LYPLAL1: variants seen among roughly 807,000 people sequenced by gnomAD.
The protein encoded by LYPLAL1 is lysophospholipase-like protein 1.
LYPLAL1 carries 23 observed loss-of-function variants against 19.7 expected under a neutral mutation model. That is an observed-to-expected ratio of 1.17 (90% CI 0.84 to 1.65). The LOEUF is 1.65. LYPLAL1 is among the 40% of genes most tolerant of loss of function. The pLI, the probability that LYPLAL1 is intolerant of heterozygous loss-of-function variation, is 0.00. For missense variants in LYPLAL1, 355 were observed against 279.4 expected, an observed-to-expected ratio of 1.27 and a Z score of -1.93; for synonymous variants, 119 against 96.3, an observed-to-expected ratio of 1.24 and a Z score of -1.38.
the LYPLAL1 span, among the ~76,000 whole-genome samples, chr1:219,384,245 A>G: frequency 2.0e-5 from 3 of 152,352 alleles, no homozygotes; most frequent in African/African-American, 7.2e-5. Flanking sequence ...GACACCCATT[A>G]TCCTAATGGC....
the LYPLAL1 span, among the ~76,000 whole-genome samples, chr1:219,309,574 G>A: frequency 6.6e-6 from 1 of 152,092 alleles, no homozygotes; most frequent in Non-Finnish European, 1.5e-5. Flanking sequence ...CATGGAGGAG[G>A]TGTCCCCCAT....
At chr1:219,419,308 C>T in the LYPLAL1 span, among the ~76,000 whole-genome samples, 3 of 152,114 alleles carry the variant, frequency 2.0e-5, no homozygotes, top group Non-Finnish European at 4.4e-5. Context: ...ATTCTACAGC[C>T]ATGTCTCTGC....
chr1:219,352,322 A>C, the LYPLAL1 span, among the ~76,000 whole-genome samples: 2 of 151,926 alleles, frequency 1.3e-5, no homozygotes, highest in Non-Finnish European at 2.9e-5. Context: ...CGAGGTCAGG[A>C]GATCGAGACC....
the LYPLAL1 span, among the ~76,000 whole-genome samples, chr1:219,316,907 A>G: frequency 1.9e-3 from 287 of 152,242 alleles, 2 homozygotes; most frequent in African/African-American, 5.9e-3. Flanking sequence ...GGAAATGGGG[A>G]GTTACAGTTT....
the LYPLAL1 span, among the ~76,000 whole-genome samples, chr1:219,388,085 AT>A: frequency 6.6e-6 from 1 of 152,100 alleles, no homozygotes; most frequent in Admixed American, 6.5e-5. Context: ...TACCCCATTA[AT>A]TTCAGTCTTT....
chr1:219,399,779 C>A, the LYPLAL1 span, among the ~76,000 whole-genome samples: 1 of 152,118 alleles, frequency 6.6e-6, no homozygotes, highest in Non-Finnish European at 1.5e-5. Context: ...AGACCAGCCC[C>A]ATCTGATGAG....
the LYPLAL1 span, among the ~76,000 whole-genome samples, chr1:219,281,270 T>A: frequency 5.3e-5 from 8 of 151,820 alleles, no homozygotes; most frequent in African/African-American, 1.9e-4. Context: ...CTTCCCTGTC[T>A]ACCCTGTGCC....
the LYPLAL1 span, among the ~76,000 whole-genome samples, chr1:219,314,273 G>T: frequency 6.6e-6 from 1 of 152,132 alleles, no homozygotes; most frequent in Non-Finnish European, 1.5e-5. Flanking sequence ...TGTGAATAAT[G>T]CTGTGATGAA....
At chr1:219,386,826 A>G in the LYPLAL1 span, among the ~76,000 whole-genome samples, 1 of 152,182 alleles carries the variant, frequency 6.6e-6, no homozygotes, top group African/African-American at 2.4e-5. Context: ...CTTGGGACGC[A>G]TAATCATCAA....
the LYPLAL1 span, among the ~76,000 whole-genome samples, chr1:219,412,771 A>G: frequency 2.0e-5 from 3 of 152,212 alleles, no homozygotes; most frequent in African/African-American, 7.2e-5. Context: ...TGTAAGTCCA[A>G]TGTTACCGAC....
chr1:219,231,540 A>G, the LYPLAL1 span, among the ~76,000 whole-genome samples: 1 of 152,028 alleles, frequency 6.6e-6, no homozygotes, highest in Non-Finnish European at 1.5e-5. Context: ...GTGGGTGTGT[A>G]TTTCCATGTA....
chr1:219,234,568 A>G, the LYPLAL1 span, among the ~76,000 whole-genome samples: 9 of 152,280 alleles, frequency 5.9e-5, no homozygotes, highest in South Asian at 1.7e-3. Flanking sequence ...TGAAAGTTAT[A>G]TAAAATAATA....
the LYPLAL1 span, among the ~76,000 whole-genome samples, chr1:219,320,853 G>A: frequency 6.6e-6 from 1 of 152,172 alleles, no homozygotes; most frequent in Non-Finnish European, 1.5e-5. Flanking sequence ...ATGGGCACTT[G>A]GGTTGGTTCC....
chr1:219,433,452 A>G, the LYPLAL1 span, among the ~76,000 whole-genome samples: 1 of 152,214 alleles, frequency 6.6e-6, no homozygotes, highest in Non-Finnish European at 1.5e-5. Context: ...TACATCAGAT[A>G]TTACACGTTG....
chr1:219,214,962 T>A (rs1218340073), downstream of LYPLAL1, among the ~76,000 whole-genome samples: 1 of 152,102 alleles, frequency 6.6e-6, no homozygotes, highest in Non-Finnish European at 1.5e-5. Flanking sequence ...AGTGCTGGAT[T>A]TACAGGCCTG....
At chr1:219,259,794 T>A in the LYPLAL1 span, among the ~76,000 whole-genome samples, 1 of 151,258 alleles carries the variant, frequency 6.6e-6, no homozygotes, top group Admixed American at 6.6e-5. Flanking sequence ...TAAAAAAATA[T>A]ATAAATAAAT....
At chr1:219,334,225 G>A in the LYPLAL1 span, among the ~76,000 whole-genome samples, 4 of 151,918 alleles carry the variant, frequency 2.6e-5, no homozygotes, top group South Asian at 2.1e-4. Flanking sequence ...GTGACTTTGA[G>A]CAACCCTCTT....
chr1:219,174,732 C>T (rs1655671387), intron 1 of LYPLAL1, among the ~76,000 whole-genome samples: 1 of 152,126 alleles, frequency 6.6e-6, no homozygotes, highest in Non-Finnish European at 1.5e-5. Context: ...GAGTAAGGGC[C>T]CTTGTGTCAA....
At chr1:219,358,853 C>T in the LYPLAL1 span, among the ~76,000 whole-genome samples, 8 of 149,912 alleles carry the variant, frequency 5.3e-5, no homozygotes, top group East Asian at 2.0e-4. Flanking sequence ...TGTGTGTGTG[C>T]GGTCATCTGG....
Sources: allele counts gnomAD v4.1 joint callset (sites outside exome capture counted in the v4.1 genomes callset), GRCh38; gene constraint gnomAD v4.1.1; transcripts MANE v1.5; gene names NCBI Gene and HGNC (gene_info 2026-07-23, HGNC 2026-07-21).